Variants in KCNK5 observed in about 807,000 individuals in gnomAD.
KCNK5 encodes potassium two pore domain channel subfamily K member 5, also known as potassium channel subfamily K member 5.
Under a neutral mutation model 32.9 loss-of-function variants are expected in KCNK5, and 18 were observed. The ratio of observed to expected loss-of-function variants is 0.55; its 90% CI spans 0.38 to 0.81. KCNK5 has a LOEUF of 0.81. Among genes scored for constraint, KCNK5 ranks in the 30% least tolerant of loss-of-function variants. The probability of loss-of-function intolerance (pLI) is 0.00; values close to 1 mark genes in which losing one functional copy is unlikely to be tolerated. For missense variants in KCNK5, 507 were observed against 651.0 expected (o/e 0.78, Z 2.41); for synonymous variants, 276 against 275.3 (o/e 1.00, Z -0.03).
At chr6:39,192,081 G>T (rs1770949627) in intron 4 of KCNK5, among the ~76,000 whole-genome samples, 1 of 151,942 alleles carries the variant, frequency 6.6e-6, no homozygotes, top group Admixed American at 6.6e-5. Context: ...ATCACTTGAG[G>T]TCAGGAGTTC....
At chr6:39,226,894 T>A (rs940644838) in intron 1 of KCNK5, among the ~76,000 whole-genome samples, 16 of 152,184 alleles carry the variant, frequency 1.1e-4, no homozygotes, top group African/African-American at 3.6e-4. Flanking sequence ...CAAGAACTTA[T>A]CTATAATAGC....
chr6:39,194,862 TGATC>T lies in KCNK5; in HGVS notation c.299-106_299-103del. On this transcript the variant is annotated intron_variant, in intron 2 of 4. Transcript: ENST00000359534. This position sits in a 1 kb window ranked among gnomAD's most constrained non-coding sequence, Gnocchi z 4.7. ...CCCGTTCTCTAAGATAAATTGATAT[TGATC>T]TATTGTCAGTACTTAAGTAATGATA... 1.0e-6 allele frequency: 1 copy of T among 952,928 alleles called. No individual in the cohort carries two copies. The highest frequency in any genetic ancestry group is 1.6e-6 in the Non-Finnish European group (1 of 610,760). The allele number at this position is 952,928 out of a possible 1,614,324, so 59.0% of individuals were successfully genotyped here.
chr6:39,201,975 G>T (rs1771140206), intron 1 of KCNK5, among the ~76,000 whole-genome samples: 1 of 152,144 alleles, frequency 6.6e-6, no homozygotes. Context: ...TAGAGACGGG[G>T]GTGAAAGGCA....
chr6:39,190,682 C>T lies in KCNK5; in HGVS notation c.*208G>A, dbSNP rs1770905237. On this transcript the variant is annotated 3_prime_UTR_variant, in exon 5 of 5. Coordinates refer to ENST00000359534, the MANE Select transcript of KCNK5 (RefSeq NM_003740.4). ...AAGCTCAGGACAGATGCCCCCACAGCCAGGGTATGGTTCAGCTGGAGAACA... is the reference window on the plus strand; with the variant it reads ...AAGCTCAGGACAGATGCCCCCACAGTCAGGGTATGGTTCAGCTGGAGAACA... 5 of 486,428 alleles carry T rather than the reference C, an allele frequency of 1.0e-5. No individual in the cohort carries two copies. The East Asian group carries it at 1.6e-4, about 15-fold the overall frequency. 30.1% of individuals were successfully genotyped at this position (486,428 alleles called of 1,614,324 possible).
In KCNK5 at chr6:39,191,185, C is replaced by T; in HGVS notation, c.1205G>A (p.Cys402Tyr). ...GTAGTCCTGGGCGTCCCATGGCTCG[C>T]ATTCCTCGCTGATGCGGTCCAGCTG... ...MNQLDRISEE[C>Y]EPWDAQDYHP... is the part of the protein sequence containing the mutation. The change falls in exon 5 of 5, where the codon TGC (cysteine) becomes TAC (tyrosine). Residue 402 changes from cysteine (C) to tyrosine (Y), a missense_variant. Around this residue, in one of 6 missense-constraint regions of KCNK5, gnomAD observed 252 missense variants for 250.8 expected, o/e 1.00. Coordinates refer to ENST00000359534, the MANE Select transcript of KCNK5 (RefSeq NM_003740.4). The surrounding 1 kb of genome is among the most constrained non-coding windows in gnomAD (Gnocchi z 5.8). 1 of 1,614,220 alleles carries T rather than the reference C, an allele frequency of 6.2e-7. No individual in the cohort carries two copies. Among genetic ancestry groups the T allele is most frequent in the Admixed American group, 1.7e-5 (1 of 60,032 alleles).
intron 1 of KCNK5, among the ~76,000 whole-genome samples, chr6:39,223,857 C>T (rs1314878687): frequency 1.3e-5 from 2 of 152,134 alleles, no homozygotes; most frequent in African/African-American, 4.8e-5. Context: ...ATAAATAGGG[C>T]AAAACCCCAG....
At chr6:39,198,394 T>G (rs1771064650) in intron 1 of KCNK5, among the ~76,000 whole-genome samples, 1 of 152,246 alleles carries the variant, frequency 6.6e-6, no homozygotes, top group Non-Finnish European at 1.5e-5. Flanking sequence ...TAATCCAATG[T>G]GCAGTGGATG....
chr6:39,224,334 A>C (rs1295934074), intron 1 of KCNK5, among the ~76,000 whole-genome samples: 1 of 152,210 alleles, frequency 6.6e-6, no homozygotes, highest in East Asian at 1.9e-4. Flanking sequence ...TGCATTTCAC[A>C]ATTTCCAACA....
Position 39,190,651 on chromosome 6 carries a change from C to T in KCNK5, c.*239G>A, listed in dbSNP as rs1465304873. Reference sequence around the variant, plus strand: ...GCATGTCTTTGCATTGTGAGATACACCAGCCAAGCTCAGGACAGATGCCCC... The same window carrying T: ...GCATGTCTTTGCATTGTGAGATACATCAGCCAAGCTCAGGACAGATGCCCC... On this transcript the variant is annotated 3_prime_UTR_variant, in exon 5 of 5. Coordinates refer to ENST00000359534, the MANE Select transcript of KCNK5 (RefSeq NM_003740.4). 7 of 417,288 alleles carry T rather than the reference C, an allele frequency of 1.7e-5. No individual in the cohort carries two copies. The highest frequency in any genetic ancestry group is 1.7e-5 in the Non-Finnish European group (4 of 238,322). 25.8% of individuals were successfully genotyped at this position (417,288 alleles called of 1,614,324 possible).
At chr6:39,203,685 G>A (rs566095231) in intron 1 of KCNK5, among the ~76,000 whole-genome samples, 7 of 152,314 alleles carry the variant, frequency 4.6e-5, no homozygotes, top group African/African-American at 1.2e-4. Context: ...AGTGGCTCTC[G>A]GTACAGGCTG....
At position 39,191,801 on chromosome 6, in the gene KCNK5, C is replaced by T. The variant is rs764343563; in HGVS notation, c.635-46G>A. The stretch of plus-strand genomic sequence containing the variant: ...GAGGTCAGGAAGAGTTAGCAGGGCC[C>T]GGGAAATGTGCAATGGCCAATGCTG... On this transcript the variant is annotated intron_variant, in intron 4 of 4. Coordinates refer to ENST00000359534, the MANE Select transcript of KCNK5 (RefSeq NM_003740.4). The surrounding 1 kb of genome is among the most constrained non-coding windows in gnomAD (Gnocchi z 5.8). 2.4e-5 allele frequency: 38 copies of T among 1,578,054 alleles called. No individual in the cohort carries two copies. The highest frequency in any genetic ancestry group is 3.0e-5 in the Non-Finnish European group (35 of 1,160,954).
At chr6:39,218,952 G>A (rs988247476) in intron 1 of KCNK5, among the ~76,000 whole-genome samples, 1 of 152,214 alleles carries the variant, frequency 6.6e-6, no homozygotes, top group Non-Finnish European at 1.5e-5. Flanking sequence ...CCACAGAGAG[G>A]CAGGGACCAG....
At chr6:39,217,118 CAAAAAAAAA>C (rs57204833) in intron 1 of KCNK5, among the ~76,000 whole-genome samples, 27 of 74,446 alleles carry the variant, frequency 3.6e-4, no homozygotes, top group Non-Finnish European at 5.1e-4. Flanking sequence ...AAAACTCCAT[CAAAAAAAAA>C]AAAAAAAAAA....
chr6:39,228,269 T>C (rs1050742978), intron 1 of KCNK5, among the ~76,000 whole-genome samples: 1 of 152,246 alleles, frequency 6.6e-6, no homozygotes, highest in Non-Finnish European at 1.5e-5. Flanking sequence ...CACAAAGTTT[T>C]ACTCCAAGCC....
chr6:39,197,436 C>G (rs1485591412), intron 1 of KCNK5, among the ~76,000 whole-genome samples: 2 of 152,224 alleles, frequency 1.3e-5, no homozygotes, highest in Non-Finnish European at 2.9e-5. Flanking sequence ...CACAGCATCT[C>G]CGAGGCTACG....
chr6:39,224,586 T>C (rs1771617592), intron 1 of KCNK5, among the ~76,000 whole-genome samples: 1 of 151,928 alleles, frequency 6.6e-6, no homozygotes, highest in Non-Finnish European at 1.5e-5. Flanking sequence ...TGAAAGGAGG[T>C]ACATATGGAA....
At chr6:39,218,196 G>A (rs1245243312) in intron 1 of KCNK5, among the ~76,000 whole-genome samples, 1 of 151,356 alleles carries the variant, frequency 6.6e-6, no homozygotes, top group African/African-American at 2.4e-5. Flanking sequence ...TCAGCCTCCT[G>A]AGTAGCTGGG....
At position 39,229,410 on chromosome 6, in the gene KCNK5, G is replaced by T; in HGVS notation, c.-299C>A. On this transcript the variant is annotated 5_prime_UTR_variant, in exon 1 of 5. Transcript: ENST00000359534. ...AAGGAGCGGGAAGAACACAGGACTT[G>T]ACTCTGGGCAGACACGTGGGCCGCT... 2.4e-6 allele frequency: 1 copy of T among 424,346 alleles called. No individual in the cohort carries two copies. Among genetic ancestry groups the T allele is most frequent in the Non-Finnish European group, 4.4e-6 (1 of 229,348 alleles). 26.3% of individuals were successfully genotyped at this position (424,346 alleles called of 1,614,324 possible).
In KCNK5 at chr6:39,194,736, G is replaced by A. The variant is rs754263667; in HGVS notation, c.323C>T (p.Thr108Ile). The A allele has an allele frequency of 3.1e-6, 5 of 1,614,094 alleles. No homozygotes were observed. In the Admixed American group the frequency reaches 5.0e-5, roughly 16 times the overall value. ...TIGYGNVAPK[T>I]PAGRLFCVFY... ...AACACAGAAGAGGCGACCGGCGGGG[G>A]TCTTGGGAGCCACATTGCCATATCC... Residue 108 changes from threonine to isoleucine, a missense_variant, in exon 3 of 5, where the codon ACC becomes ATC. By Grantham distance (89) the Thr-to-Ile change is moderately conservative. Transcript: ENST00000359534. This position sits in a 1 kb window ranked among gnomAD's most constrained non-coding sequence, Gnocchi z 4.7.
Sources: allele counts gnomAD v4.1 joint callset (sites outside exome capture counted in the v4.1 genomes callset), GRCh38; gene constraint gnomAD v4.1.1; regional missense constraint gnomAD v4.1.1; non-coding constraint Gnocchi (gnomAD v3.1); transcripts MANE v1.5; gene names NCBI Gene and HGNC (gene_info 2026-07-23, HGNC 2026-07-21).